AK9: variants seen among roughly 807,000 people sequenced by gnomAD.
AK9 encodes adenylate kinase domain containing 1.
In AK9, 191 loss-of-function variants were observed where a neutral mutation model predicts 239.6. The observed-to-expected ratio is 0.80, with a 90% CI of 0.71 to 0.90. The LOEUF (loss-of-function observed/expected upper bound fraction) is 0.90. Among genes scored for constraint, AK9 ranks in the 40% least tolerant of loss-of-function variants. The pLI, the probability that AK9 is intolerant of heterozygous loss-of-function variation, is 0.00. For synonymous variants in AK9, 689 were observed against 721.0 expected (o/e 0.96, Z 0.71); for missense variants, 1,995 against 2,214.7 (o/e 0.90, Z 1.99).
In AK9 at chr6:109,617,958, T is replaced by C. The variant is rs1794373687; in HGVS notation, c.1399+1134A>G. ...ACCACTAGAATTGGCCATAAGAACA[T>C]CTACCGTGCAAACTTGTCATGAGGA... On this transcript the variant is annotated intron_variant, in intron 13 of 40. Coordinates refer to ENST00000424296, the MANE Select transcript of AK9 (RefSeq NM_001145128.3). Among the ~76,000 whole-genome samples the C allele has an allele frequency of 2.0e-5, 3 of 152,300 alleles. No individual in the cohort carries two copies. In the South Asian group the frequency reaches 6.2e-4, roughly 32 times the overall value.
At chr6:109,658,082 A>C (rs1370321298) in intron 7 of AK9, among the ~76,000 whole-genome samples, 1 of 152,188 alleles carries the variant, frequency 6.6e-6, no homozygotes, top group East Asian at 1.9e-4. Flanking sequence ...TTGGACAACA[A>C]TGTTTCAGGC....
chr6:109,597,569 A>T (rs1380823570), intron 17 of AK9, among the ~76,000 whole-genome samples: 4 of 152,074 alleles, frequency 2.6e-5, no homozygotes, highest in African/African-American at 7.2e-5. Context: ...GCTACTCGGG[A>T]GGCTAAGGCA....
intron 30 of AK9, 34 bp from the exon 31 acceptor site, chr6:109,516,109 AG>A: frequency 6.7e-7 from 1 of 1,492,464 alleles, no homozygotes; most frequent in Non-Finnish European, 9.1e-7. Context: ...AAATATATTT[AG>A]TGAGAAAAAG....
intron 24 of AK9, among the ~76,000 whole-genome samples, chr6:109,561,454 C>T (rs1470915936): frequency 1.3e-5 from 2 of 152,144 alleles, no homozygotes; most frequent in Non-Finnish European, 2.9e-5. Flanking sequence ...GCCAGGACTA[C>T]AGGTGTGCAC....
intron 20 of AK9, among the ~76,000 whole-genome samples, chr6:109,576,335 AT>A (rs36149300): frequency 0.21 from 31,182 of 149,306 alleles, 3,400 homozygotes; most frequent in South Asian, 0.34. Context: ...TGTTTGTGTC[AT>A]TCATGATTTC....
At chr6:109,580,656 A>G (rs1365366467) in intron 19 of AK9, among the ~76,000 whole-genome samples, 1 of 151,946 alleles carries the variant, frequency 6.6e-6, no homozygotes, top group African/African-American at 2.4e-5. Context: ...ACATTACTAC[A>G]CCTCTTCTCC....
At position 109,585,136 on chromosome 6, in the gene AK9, CTTCTTTT is replaced by C. The variant is rs1261063032; in HGVS notation, c.2094_2100del (p.Glu700LysfsTer11). On this transcript the variant is annotated frameshift_variant, in exon 19 of 41. Coordinates refer to ENST00000424296, the MANE Select transcript of AK9 (RefSeq NM_001145128.3). LOFTEE classifies it high-confidence loss of function. ...GGCAGATTTTACCTTGCTTCTTCTT[CTTCTTTT>C]TTTTTCTTTTGTAGTTCTTCTAATA... 1 of 1,164,698 alleles carries C rather than the reference CTTCTTTT, an allele frequency of 8.6e-7. No individual in the cohort carries two copies. 72.1% of individuals were successfully genotyped at this position (1,164,698 alleles called of 1,614,324 possible).
At chr6:109,686,037 C>T (rs6917383) in intron 1 of AK9, among the ~76,000 whole-genome samples, 13,043 of 152,252 alleles carry the variant, frequency 0.086, 910 homozygotes, top group African/African-American at 0.19. Context: ...GATGATCTGG[C>T]AATGTGTGCA....
intron 38 of AK9, among the ~76,000 whole-genome samples, chr6:109,496,897 C>T (rs1777093017): frequency 6.6e-6 from 1 of 152,094 alleles, no homozygotes; most frequent in Non-Finnish European, 1.5e-5. Context: ...TCAGATTGCC[C>T]TCAGGATCAC....
chr6:109,502,720 T>A (rs1431481067), intron 35 of AK9, among the ~76,000 whole-genome samples: 1 of 152,202 alleles, frequency 6.6e-6, no homozygotes, highest in East Asian at 1.9e-4. Context: ...GAGATTCACA[T>A]GGCAAGGAAC....
chr6:109,653,598 G>A (rs78924205), intron 8 of AK9, among the ~76,000 whole-genome samples: 61 of 151,632 alleles, frequency 4.0e-4, no homozygotes, highest in African/African-American at 1.4e-3. Context: ...TATTTATGGC[G>A]TCTTCAGCAA....
chr6:109,531,534 T>C (rs1781258150), intron 28 of AK9, among the ~76,000 whole-genome samples: 1 of 152,128 alleles, frequency 6.6e-6, no homozygotes, highest in African/African-American at 2.4e-5. Flanking sequence ...ATATTAAAAT[T>C]AAACAAAATT....
chr6:109,583,929 T>C (rs950528106), intron 19 of AK9, among the ~76,000 whole-genome samples: 1 of 152,110 alleles, frequency 6.6e-6, no homozygotes, highest in East Asian at 1.9e-4. Flanking sequence ...ATTAAGTAAT[T>C]CCTTAATTAT....
At chr6:109,562,264 T>C (rs1178049946) in intron 24 of AK9, among the ~76,000 whole-genome samples, 1 of 152,210 alleles carries the variant, frequency 6.6e-6, no homozygotes, top group Non-Finnish European at 1.5e-5. Context: ...TCTATTGCTA[T>C]TTCTCTTGCA....
rs948213762 is a variant in AK9, at chr6:109,614,308, G to T, written c.1496-12C>A. ...GCCTTGAATGTACCCTGCAATGAAA[G>T]AATAATATACTTTATCAGCTAATCT... is the stretch of plus-strand genomic sequence containing the variant. On this transcript the variant is annotated splice_polypyrimidine_tract_variant and intron_variant, in intron 14 of 40. Coordinates refer to ENST00000424296, the MANE Select transcript of AK9 (RefSeq NM_001145128.3). The T allele has an allele frequency of 1.7e-5, 26 of 1,550,394 alleles. No individual in the cohort carries two copies. Among genetic ancestry groups the T allele is most frequent in the Non-Finnish European group, 2.2e-5 (25 of 1,146,060 alleles).
At chr6:109,603,425 C>T (rs1479311914) in intron 17 of AK9, among the ~76,000 whole-genome samples, 1 of 152,150 alleles carries the variant, frequency 6.6e-6, no homozygotes, top group African/African-American at 2.4e-5. Flanking sequence ...CTGATTGTTC[C>T]TCTGGAAGCT....
Position 109,609,443 on chromosome 6 carries a change from A to G in AK9, c.1842+922T>C, listed in dbSNP as rs373118752. On this transcript the variant is annotated intron_variant, in intron 17 of 40. Transcript: ENST00000424296. ...CTCCTTAAAGGAAAGGGCTGTGTTT[A>G]ATTCATCTTCAGATTCCTGGTATCT... Among the ~76,000 whole-genome samples, 10 of 152,326 alleles carry G rather than the reference A, an allele frequency of 6.6e-5. No individual in the cohort carries two copies. The East Asian group carries it at 7.7e-4, about 12-fold the overall frequency.
chr6:109,559,178 T>TG (rs58033333), intron 24 of AK9, among the ~76,000 whole-genome samples: 4 of 151,074 alleles, frequency 2.6e-5, no homozygotes, highest in African/African-American at 9.7e-5. Flanking sequence ...TTTTTTTTTT[T>TG]GTTTTTTTGA....
intron 20 of AK9, among the ~76,000 whole-genome samples, chr6:109,574,745 G>A (rs1490855830): frequency 6.6e-6 from 1 of 151,894 alleles, no homozygotes. Flanking sequence ...TGAGGAACAG[G>A]TGGTGTTTTG....
Sources: gnomAD v4.1 joint callset for allele counts (sites outside exome capture counted in the v4.1 genomes callset) on GRCh38, gnomAD v4.1.1 for gene constraint, MANE v1.5 for transcripts, NCBI Gene and HGNC (gene_info 2026-07-23, HGNC 2026-07-21) for gene names.